SGCZ: variants seen among roughly 807,000 people sequenced by gnomAD.
SGCZ encodes the protein zeta-sarcoglycan.
SGCZ carries 40 observed loss-of-function variants against 41.3 expected under a neutral mutation model. The observed-to-expected ratio is 0.97, with a 90% confidence interval of 0.75 to 1.26. The LOEUF (loss-of-function observed/expected upper bound fraction) is 1.26. Ranked by LOEUF, SGCZ falls within the 50% of genes most tolerant of loss-of-function variation. SGCZ has a pLI of 0.00. For synonymous variants in SGCZ, 206 were observed against 137.5 expected (o/e 1.50, Z -3.49); for missense variants, 552 against 369.8 (o/e 1.49, Z -4.04).
intron 1 of SGCZ, among the ~76,000 whole-genome samples, chr8:15,071,783 C>T (rs926827684): frequency 6.6e-6 from 1 of 151,932 alleles, no homozygotes; most frequent in Non-Finnish European, 1.5e-5. Flanking sequence ...CTGAGTGACT[C>T]TTCCCACAAA....
intron 3 of SGCZ, among the ~76,000 whole-genome samples, chr8:14,275,834 G>A (rs907244935): frequency 1.3e-5 from 2 of 152,142 alleles, no homozygotes; most frequent in East Asian, 1.9e-4. Context: ...CACCCCTGTA[G>A]GAGTTACTTT....
chr8:14,343,495 T>C (rs1380145670), intron 2 of SGCZ, among the ~76,000 whole-genome samples: 3 of 152,238 alleles, frequency 2.0e-5, no homozygotes, highest in Admixed American at 6.5e-5. Context: ...ACGTATGTTT[T>C]CCCTCAAGTC....
In SGCZ at chr8:14,201,279, T is replaced by C. The variant is rs1036409516; in HGVS notation, c.424+36313A>G. ...TGCTATCCCTCCCCAGGTATTTATG[T>C]CATCAAATGAAAACTAATGTTCACA... On this transcript the variant is annotated intron_variant, in intron 4 of 7. Transcript: ENST00000382080. Among the ~76,000 whole-genome samples the C allele has an allele frequency of 1.4e-4, 22 of 152,256 alleles. 1 individual carries two copies. Among genetic ancestry groups the C allele is most frequent in the African/African-American group, 5.3e-4 (22 of 41,566 alleles).
intron 1 of SGCZ, among the ~76,000 whole-genome samples, chr8:15,090,573 G>T (rs1302511503): frequency 1.3e-5 from 2 of 152,162 alleles, no homozygotes; most frequent in Non-Finnish European, 2.9e-5. Context: ...TTCCTAAAAG[G>T]AAGAAACCTA....
chr8:14,497,206 G>C (rs1802014028), intron 2 of SGCZ, among the ~76,000 whole-genome samples: 1 of 152,128 alleles, frequency 6.6e-6, no homozygotes, highest in African/African-American at 2.4e-5. Context: ...GTTTATCTTG[G>C]CTCACGGTTC....
chr8:14,146,889 A>T lies in SGCZ; in HGVS notation c.547+17691T>A, dbSNP rs933640881. Among the ~76,000 whole-genome samples, 22 of 144,852 alleles carry T rather than the reference A, an allele frequency of 1.5e-4. 1 individual carries two copies. Among genetic ancestry groups the T allele is most frequent in the Admixed American group, 3.4e-4 (5 of 14,612 alleles). On this transcript the variant is annotated intron_variant, in intron 5 of 7. Transcript: ENST00000382080. ...TCCGTCTCAAAAAATAAAAATAAAA[A>T]AAATAATAATAATAATAACTACAGC...
intron 1 of SGCZ, among the ~76,000 whole-genome samples, chr8:15,204,753 A>G (rs1801007133): frequency 6.6e-6 from 1 of 152,152 alleles, no homozygotes; most frequent in Admixed American, 6.5e-5. Context: ...TCTACTTTTT[A>G]TGTTAACTAT....
intron 1 of SGCZ, among the ~76,000 whole-genome samples, chr8:15,085,265 C>T (rs1219059576): frequency 1.3e-5 from 2 of 152,122 alleles, no homozygotes; most frequent in Admixed American, 6.5e-5. Flanking sequence ...TTTTACTTCC[C>T]ATTCGAACTT....
At chr8:15,024,127 T>C (rs1030546904) in intron 1 of SGCZ, among the ~76,000 whole-genome samples, 7 of 152,196 alleles carry the variant, frequency 4.6e-5, no homozygotes, top group African/African-American at 1.7e-4. Flanking sequence ...GTTTGTATTC[T>C]TAGTATATCT....
At chr8:14,338,267 T>A (rs1329803001) in intron 2 of SGCZ, among the ~76,000 whole-genome samples, 1 of 152,160 alleles carries the variant, frequency 6.6e-6, no homozygotes. Context: ...GGCCTTCTGG[T>A]CTCATTTCAA....
chr8:14,665,652 G>A (rs1335084115), intron 1 of SGCZ, among the ~76,000 whole-genome samples: 5 of 152,008 alleles, frequency 3.3e-5, no homozygotes, highest in Admixed American at 2.0e-4. Flanking sequence ...TTTCCTTGTG[G>A]CTTTGCTCAA....
chr8:14,791,837 T>C (rs1800965577), intron 1 of SGCZ, among the ~76,000 whole-genome samples: 1 of 152,196 alleles, frequency 6.6e-6, no homozygotes, highest in Non-Finnish European at 1.5e-5. Context: ...GTTTTAAAAA[T>C]TAGGCAATAA....
intron 3 of SGCZ, among the ~76,000 whole-genome samples, chr8:14,252,642 G>C (rs764484679): frequency 1.3e-5 from 2 of 152,086 alleles, no homozygotes; most frequent in Non-Finnish European, 2.9e-5. Context: ...CTAAGTCCTA[G>C]AGATGAGTAC....
intron 1 of SGCZ, among the ~76,000 whole-genome samples, chr8:15,172,299 C>T (rs1355929203): frequency 6.7e-6 from 1 of 149,952 alleles, no homozygotes; most frequent in Non-Finnish European, 1.5e-5. Flanking sequence ...GTAGCTGGGA[C>T]TACAGGCGCG....
chr8:14,394,129 C>T (rs903949102), intron 2 of SGCZ, among the ~76,000 whole-genome samples: 12 of 143,858 alleles, frequency 8.3e-5, no homozygotes, highest in Non-Finnish European at 1.3e-4. Flanking sequence ...ATGCACTGCC[C>T]TACCGCCCCC....
chr8:15,161,094 T>C (rs1461874387), intron 1 of SGCZ, among the ~76,000 whole-genome samples: 1 of 152,056 alleles, frequency 6.6e-6, no homozygotes, highest in African/African-American at 2.4e-5. Flanking sequence ...TCTCAAATCC[T>C]TAGGTGATCT....
chr8:14,620,673 C>A (rs1323895512), intron 1 of SGCZ, among the ~76,000 whole-genome samples: 1 of 152,108 alleles, frequency 6.6e-6, no homozygotes, highest in Non-Finnish European at 1.5e-5. Context: ...CTGCAGCCAA[C>A]AGACACATGA....
chr8:14,871,942 GTA>G (rs564294844), intron 1 of SGCZ, among the ~76,000 whole-genome samples: 35 of 149,028 alleles, frequency 2.3e-4, no homozygotes, highest in African/African-American at 6.6e-4. Context: ...ATGTATATGT[GTA>G]TATATATATA....
intron 1 of SGCZ, among the ~76,000 whole-genome samples, chr8:14,852,806 G>C (rs1181007738): frequency 1.3e-5 from 2 of 152,164 alleles, no homozygotes; most frequent in Non-Finnish European, 2.9e-5. Flanking sequence ...GTGTTTCATG[G>C]AGTAATAGCC....
Sources: gnomAD v4.1 joint callset for allele counts (sites outside exome capture counted in the v4.1 genomes callset) on GRCh38, gnomAD v4.1.1 for gene constraint, MANE v1.5 for transcripts, NCBI Gene and HGNC (gene_info 2026-07-23, HGNC 2026-07-21) for gene names.